MMP24: variants seen among roughly 807,000 people sequenced by gnomAD.
MMP24 encodes the protein matrix metalloproteinase-24.
In MMP24, 25 loss-of-function variants were observed where a neutral mutation model predicts 62.8. The observed-to-expected ratio is 0.40, with a 90% CI of 0.29 to 0.56. The LOEUF is 0.56. Ranked by LOEUF, MMP24 falls within the 20% of genes least tolerant of loss-of-function variation. The pLI is 0.50. For missense variants in MMP24, 634 were observed against 853.6 expected, an observed-to-expected ratio of 0.74 and a Z score of 3.21; for synonymous variants, 319 against 350.5, an observed-to-expected ratio of 0.91 and a Z score of 1.00.
rs1351463711 is a variant in MMP24 at position 35,269,855 on chromosome 20, C to T, written c.1290C>T (p.Asp430=). The change falls in exon 7 of 9, where the codon GAC becomes GAT. Residue 430 remains aspartate, a synonymous_variant. Transcript: ENST00000246186. The surrounding 1 kb of genome is among the most constrained non-coding windows in gnomAD (Gnocchi z 4.6). The part of the protein sequence containing the change: ...QFWKGLPARI[D]AAYERADGRF... ...GGAAGGGCCTGCCTGCCCGCATCGACGCAGCCTATGAAAGGGCCGATGGGA... is the reference window on the plus strand; with the variant it reads ...GGAAGGGCCTGCCTGCCCGCATCGATGCAGCCTATGAAAGGGCCGATGGGA... The T allele has an allele frequency of 1.0e-5, 16 of 1,553,240 alleles. No individual in the cohort carries two copies. The highest frequency in any genetic ancestry group is 5.9e-5 in the Admixed American group (3 of 51,072).
At position 35,254,488 on chromosome 20, in the gene MMP24, C is replaced by A; in HGVS notation, c.551C>A (p.Thr184Lys). ...ACCCCAAAAGTGGGTGAGCTAGACA[C>A]GCGGAAAGCTATTCGCCAGGCTTTC... ...NYTPKVGELD[T>K]RKAIRQAFDV... Residue 184 changes from threonine (T) to lysine (K), a missense_variant, in exon 4 of 9, where the codon ACG becomes AAG. By Grantham distance (78) the Thr-to-Lys change is moderately conservative (BLOSUM62 -1). This residue lies in a region of MMP24 where 212 missense variants were observed against 259.6 expected (regional missense o/e 0.82). Transcript: ENST00000246186. 1 of 1,614,010 alleles carries A rather than the reference C, an allele frequency of 6.2e-7. No individual in the cohort carries two copies. The highest frequency in any genetic ancestry group is 8.5e-7 in the Non-Finnish European group (1 of 1,179,888).
At position 35,226,705 on chromosome 20, in the gene MMP24, G is replaced by GCTCC. The variant is rs1227445812; in HGVS notation, c.-34_-33insCTCC. The stretch of plus-strand genomic sequence containing the variant: ...CCGAGGCGGCGGCGGCGGCGGCGAA[G>GCTCC]GCAGGCGGGCCGGGCGCGGGCCCCG... On this transcript the variant is annotated 5_prime_UTR_variant, in exon 1 of 9. Coordinates refer to ENST00000246186, the MANE Select transcript of MMP24 (RefSeq NM_006690.4). The GCTCC allele has an allele frequency of 9.2e-3, 45 of 4,888 alleles. No individual in the cohort carries two copies. The African/African-American group carries it at 0.14, about 15-fold the overall frequency. The allele number at this position is 4,888 out of a possible 1,614,324, so 0.3% of individuals were successfully genotyped here. A position where few individuals can be genotyped will look rare whatever the true frequency, so the allele number is the denominator to read the frequency against.
intron 1 of MMP24, among the ~76,000 whole-genome samples, chr20:35,234,448 A>T (rs573688239): frequency 1.3e-5 from 2 of 152,256 alleles, no homozygotes; most frequent in African/African-American, 2.4e-5. Flanking sequence ...TTTATAATGT[A>T]ATACAAAATA....
At chr20:35,249,845 G>A (rs199908668) in intron 2 of MMP24, among the ~76,000 whole-genome samples, 3 of 152,032 alleles carry the variant, frequency 2.0e-5, no homozygotes, top group South Asian at 2.1e-4. Context: ...CGCCCGCCTC[G>A]GCCTCCCAAA....
rs1181780216 is a variant in MMP24, at chr20:35,275,462, C to G, written c.*853C>G. On this transcript the variant is annotated 3_prime_UTR_variant, in exon 9 of 9. Transcript: ENST00000246186. ...GCCCAGACACCCCAGTAGCTGAGCTCTGCTCCTATGGCTACAGAGCTGGGG... is the reference window on the plus strand; with the variant it reads ...GCCCAGACACCCCAGTAGCTGAGCTGTGCTCCTATGGCTACAGAGCTGGGG... The G allele has an allele frequency of 6.6e-6, 1 of 152,304 alleles. No homozygotes were observed. The highest frequency in any genetic ancestry group is 1.5e-5 in the Non-Finnish European group (1 of 68,112). 9.4% of individuals were successfully genotyped at this position (152,304 alleles called of 1,614,324 possible). A position where few individuals can be genotyped will look rare whatever the true frequency, so the allele number is the denominator to read the frequency against.
Position 35,254,744 on chromosome 20 carries a change from C to T in MMP24, c.807C>T (p.Ala269=). The T allele has an allele frequency of 1.2e-6, 2 of 1,611,780 alleles. No homozygotes were observed. Among genetic ancestry groups the T allele is most frequent in the Non-Finnish European group, 8.5e-7 (1 of 1,178,522 alleles). Residue 269 remains alanine, a synonymous_variant, in exon 4 of 9, where the codon GCC becomes GCT. Transcript: ENST00000246186. ...DSDEPWTLGN[A]NHDGNDLFLV... is the part of the protein sequence containing the mutation. ...ATGAGCCATGGACGCTAGGAAATGCCAACCATGACGGTAAGGCCATGAGGG... is the reference window on the plus strand; with the variant it reads ...ATGAGCCATGGACGCTAGGAAATGCTAACCATGACGGTAAGGCCATGAGGG...
rs758733453 is a variant in MMP24 at position 35,263,891 on chromosome 20, C to T, written c.918C>T (p.Tyr306=). 9.9e-6 allele frequency: 16 copies of T among 1,613,166 alleles called. No homozygotes were observed. In the Admixed American group the frequency reaches 2.3e-4, roughly 24 times the overall value. The change falls in exon 5 of 9, where the codon TAC becomes TAT. Residue 306 remains tyrosine, a synonymous_variant. Transcript: ENST00000246186. ...PSAIMAPFYQ[Y]METHNFKLPQ... is the part of the protein sequence containing the mutation. ...CCATCATGGCGCCCTTCTACCAGTA[C>T]ATGGAGACGCACAACTTCAAGCTGC...
chr20:35,239,448 T>C (rs2060478245), intron 1 of MMP24, among the ~76,000 whole-genome samples: 2 of 152,144 alleles, frequency 1.3e-5, no homozygotes, highest in African/African-American at 2.4e-5. Context: ...ACTTGGTACA[T>C]AGTAGGTCCT....
chr20:35,267,460 C>T, intron 6 of MMP24, 41 bp downstream of exon 6: 1 of 1,517,216 alleles, frequency 6.6e-7, no homozygotes, highest in Non-Finnish European at 9.0e-7. Context: ...GGCCCCTGAC[C>T]TTTCCTCCTC....
chr20:35,271,345 G>A lies in MMP24; in HGVS notation c.1334-224G>A, dbSNP rs1359819709. Among the ~76,000 whole-genome samples, 1 of 152,206 alleles carries A rather than the reference G, an allele frequency of 6.6e-6. No homozygotes were observed. Among genetic ancestry groups the A allele is most frequent in the East Asian group, 1.9e-4 (1 of 5,190 alleles). On this transcript the variant is annotated intron_variant, in intron 7 of 8. Coordinates refer to ENST00000246186, the MANE Select transcript of MMP24 (RefSeq NM_006690.4). The surrounding 1 kb of genome is among the most constrained non-coding windows in gnomAD (Gnocchi z 4.0). ...GTAAGTGGCTGAGATCACCAGAGAG[G>A]AGAGAGGAGCAAGTCACATGAACAA...
At chr20:35,261,532 G>A (rs1040314813) in intron 4 of MMP24, among the ~76,000 whole-genome samples, 3 of 152,172 alleles carry the variant, frequency 2.0e-5, no homozygotes, top group Non-Finnish European at 2.9e-5. Context: ...GCCCAAGCTC[G>A]TAACCACCGT....
At chr20:35,247,852 G>A (rs186225889) in intron 2 of MMP24, among the ~76,000 whole-genome samples, 1 of 152,284 alleles carries the variant, frequency 6.6e-6, no homozygotes, top group African/African-American at 2.4e-5. Flanking sequence ...GACTGAAGTG[G>A]GGAGAAGCGG....
chr20:35,241,961 C>A (rs1443887082), intron 1 of MMP24, among the ~76,000 whole-genome samples: 1 of 152,160 alleles, frequency 6.6e-6, no homozygotes, highest in East Asian at 1.9e-4. Flanking sequence ...CCAGTAGAGT[C>A]CGTTGGCAGA....
rs373597415 is a variant in MMP24, at chr20:35,246,882, C to T, written c.289C>T (p.Arg97Trp). The change falls in exon 2 of 9, where the codon CGG (arginine) becomes TGG (tryptophan). Residue 97 changes from arginine (R) to tryptophan (W), a missense_variant. By Grantham distance (101) the Arg-to-Trp change is moderately radical (BLOSUM62 -3). Transcript: ENST00000246186. ...SYGYLLPYDSRASALHSAKAL... is the reference protein window; with the variant it reads ...SYGYLLPYDSWASALHSAKAL... ...TGGCTATCTGCTTCCCTATGACTCA[C>T]GGGCATCTGCGCTGCACTCAGCGAA... 3.8e-5 allele frequency: 62 copies of T among 1,613,886 alleles called. No individual in the cohort carries two copies. Among genetic ancestry groups the T allele is most frequent in the East Asian group, 4.5e-5 (2 of 44,904 alleles).
chr20:35,239,762 G>A (rs926560941), intron 1 of MMP24, among the ~76,000 whole-genome samples: 32 of 152,196 alleles, frequency 2.1e-4, no homozygotes, highest in African/African-American at 7.5e-4. Flanking sequence ...AGAAGTTCAA[G>A]GCTGCAGTGA....
intron 1 of MMP24, among the ~76,000 whole-genome samples, chr20:35,239,753 G>A (rs2060480335): frequency 6.6e-6 from 1 of 152,170 alleles, no homozygotes; most frequent in Non-Finnish European, 1.5e-5. Flanking sequence ...CTTGAGCCCA[G>A]AAGTTCAAGG....
intron 4 of MMP24, among the ~76,000 whole-genome samples, chr20:35,262,478 G>A (rs1037172885): frequency 4.0e-5 from 6 of 151,342 alleles, no homozygotes; most frequent in South Asian, 2.1e-4. Context: ...TTACAAAACC[G>A]TATTGCTGCC....
rs6142338 is a variant in MMP24 at position 35,241,022 on chromosome 20, G to A, written c.247-5818G>A. Among the ~76,000 whole-genome samples, 5,943 of 152,240 alleles carry A rather than the reference G, an allele frequency of 0.039. 886 individuals are homozygous for A. In the East Asian group the frequency reaches 0.47, roughly 12 times the overall value. On this transcript the variant is annotated intron_variant, in intron 1 of 8. Coordinates refer to ENST00000246186, the MANE Select transcript of MMP24 (RefSeq NM_006690.4). ...GAGCTAAGGAAGATTTAACAAAGGA[G>A]GTGACATTGAGCTAGACCTTGAAGG...
At chr20:35,239,833 A>C (rs982771198) in intron 1 of MMP24, among the ~76,000 whole-genome samples, 4 of 152,144 alleles carry the variant, frequency 2.6e-5, no homozygotes, top group African/African-American at 9.7e-5. Flanking sequence ...CAAACAAAAA[A>C]GGAAACTGGA....
Sources: allele counts gnomAD v4.1 joint callset (sites outside exome capture counted in the v4.1 genomes callset), GRCh38; gene constraint gnomAD v4.1.1; regional missense constraint gnomAD v4.1.1; non-coding constraint Gnocchi (gnomAD v3.1); transcripts MANE v1.5; gene names NCBI Gene and HGNC (gene_info 2026-07-23, HGNC 2026-07-21).